Variants in CYP2B6 observed in about 807,000 individuals in gnomAD.
The protein encoded by CYP2B6 is cytochrome P450 2B6.
Under a neutral mutation model 43.4 loss-of-function variants are expected in CYP2B6, and 35 were observed. That is an observed-to-expected ratio of 0.81 (90% CI 0.62 to 1.07). The LOEUF (loss-of-function observed/expected upper bound fraction) is 1.07, where lower values mean the gene tolerates loss of function less well. Among genes scored for constraint, CYP2B6 ranks in the 50% least tolerant of loss-of-function variants. CYP2B6 has a pLI of 0.00. For missense variants in CYP2B6, 624 were observed against 632.8 expected (o/e 0.99, Z 0.15); for synonymous variants, 239 against 239.2 (o/e 1.00, Z 0.01).
chr19:41,015,579 C>A (rs1425394133), intron 8 of CYP2B6, among the ~76,000 whole-genome samples: 4 of 152,164 alleles, frequency 2.6e-5, no homozygotes, highest in Non-Finnish European at 5.9e-5. Flanking sequence ...ATTTTTCTCC[C>A]AATCTGTGGT....
intron 1 of CYP2B6, among the ~76,000 whole-genome samples, chr19:41,003,370 C>T (rs776283334): frequency 3.3e-5 from 5 of 151,944 alleles, no homozygotes; most frequent in African/African-American, 4.8e-5. Flanking sequence ...GATTCGTGTC[C>T]GGGGTGGGAC....
intron 2 of CYP2B6, 59 bp from the exon 3 acceptor site, chr19:41,004,238 G>A: frequency 2.5e-6 from 4 of 1,613,258 alleles, no homozygotes; most frequent in Non-Finnish European, 2.5e-6. Flanking sequence ...GAGGAAGAAG[G>A]ACTCAGAGCC....
chr19:41,016,577 T>C, intron 8 of CYP2B6, 69 bp from the exon 9 acceptor site: 1 of 1,553,744 alleles, frequency 6.4e-7, no homozygotes, highest in Non-Finnish European at 8.9e-7. Flanking sequence ...TGTCTGGGCT[T>C]AGGGACATGG....
At chr19:41,007,181 G>T in intron 4 of CYP2B6, 116 bp downstream of exon 4, 1 of 1,038,224 alleles carries the variant, frequency 9.6e-7, no homozygotes, top group South Asian at 1.4e-5. Context: ...TGGAAGAAAC[G>T]CAGACATGTG....
intron 4 of CYP2B6, among the ~76,000 whole-genome samples, chr19:41,008,172 A>G (rs532038405): frequency 6.6e-6 from 1 of 152,048 alleles, no homozygotes; most frequent in Admixed American, 6.6e-5. Context: ...TATTAAATTT[A>G]AGAATATCAA....
chr19:41,016,219 T>A (rs1318798732), intron 8 of CYP2B6, among the ~76,000 whole-genome samples: 196 of 151,916 alleles, frequency 1.3e-3, no homozygotes, highest in African/African-American at 4.6e-3. Flanking sequence ...AATATGATGA[T>A]ACCCCATGTC....
chr19:41,012,198 C>T (rs1969294956), intron 6 of CYP2B6, 100 bp from the exon 7 acceptor site: 2 of 1,159,572 alleles, frequency 1.7e-6, no homozygotes, highest in African/African-American at 1.5e-5. Flanking sequence ...AATCCACCCA[C>T]CTCAACCTCC....
chr19:41,001,150 A>C (rs897744241), intron 1 of CYP2B6, among the ~76,000 whole-genome samples: 3 of 152,136 alleles, frequency 2.0e-5, no homozygotes, highest in East Asian at 1.9e-4. Context: ...GGAAGCTGAG[A>C]TCCAGCAGGA....
intron 1 of CYP2B6, among the ~76,000 whole-genome samples, chr19:40,992,823 A>T (rs1457064670): frequency 6.6e-6 from 1 of 151,996 alleles, no homozygotes; most frequent in Non-Finnish European, 1.5e-5. Context: ...CCCGGCCAAG[A>T]CTCTTGAGAA....
intron 4 of CYP2B6, among the ~76,000 whole-genome samples, chr19:41,008,324 G>A (rs190318689): frequency 6.7e-6 from 1 of 149,140 alleles, no homozygotes; most frequent in East Asian, 1.9e-4. Flanking sequence ...CAATTCTCAT[G>A]GCTCAGCCTC....
intron 6 of CYP2B6, among the ~76,000 whole-genome samples, chr19:41,010,515 G>A (rs1167145321): frequency 6.6e-6 from 1 of 151,244 alleles, no homozygotes; most frequent in African/African-American, 2.4e-5. Flanking sequence ...CAGGGTTCAC[G>A]CCATTCTCCT....
chr19:41,005,188 G>T (rs1392193521), intron 3 of CYP2B6, among the ~76,000 whole-genome samples: 1 of 152,126 alleles, frequency 6.6e-6, no homozygotes, highest in Non-Finnish European at 1.5e-5. Flanking sequence ...TGTTCTGCCC[G>T]GGTGCAGCTG....
chr19:40,991,517 T>C, intron 1 of CYP2B6, 41 bp downstream of exon 1: 1 of 1,607,990 alleles, frequency 6.2e-7, no homozygotes, highest in Non-Finnish European at 8.5e-7. Context: ...GAGCTGCTTC[T>C]TGCCTTGGTA....
At chr19:40,996,969 G>A (rs1052978409) in intron 1 of CYP2B6, among the ~76,000 whole-genome samples, 3 of 152,100 alleles carry the variant, frequency 2.0e-5, no homozygotes, top group Non-Finnish European at 4.4e-5. Flanking sequence ...CACTGTCCTT[G>A]GAGGGGTGAA....
chr19:40,995,539 G>A (rs984625179), intron 1 of CYP2B6, among the ~76,000 whole-genome samples: 2 of 152,182 alleles, frequency 1.3e-5, no homozygotes, highest in African/African-American at 2.4e-5. Context: ...GTCATCAACC[G>A]ATGTGTCATC....
At chr19:41,002,677 T>C (rs773650106) in intron 1 of CYP2B6, among the ~76,000 whole-genome samples, 2 of 152,062 alleles carry the variant, frequency 1.3e-5, no homozygotes, top group African/African-American at 2.4e-5. Flanking sequence ...GCCTCCCGAG[T>C]AGCTGGGACT....
intron 5 of CYP2B6, 111 bp from the exon 6 acceptor site, chr19:41,009,883 A>G (rs8192717): frequency 7.7e-6 from 10 of 1,298,984 alleles, no homozygotes; most frequent in East Asian, 4.7e-5. Context: ...ACTGGGCCAG[A>G]TAGTGTCAAA....
In CYP2B6 at chr19:41,017,490, G is replaced by C. The variant is rs1969389182; in HGVS notation, c.*663G>C. The C allele has an allele frequency of 6.6e-6, 1 of 151,892 alleles. No individual in the cohort carries two copies. Among genetic ancestry groups the C allele is most frequent in the Admixed American group, 6.6e-5 (1 of 15,254 alleles). 9.4% of individuals were successfully genotyped at this position (151,892 alleles called of 1,614,324 possible). A position where few individuals can be genotyped will look rare whatever the true frequency, so the allele number is the denominator to read the frequency against. ...TTCCAAACATTTTCTTTTTTTCTGAGATGGAGTCTCACTCTGTCACCCAGG... is the reference window on the plus strand; with the variant it reads ...TTCCAAACATTTTCTTTTTTTCTGACATGGAGTCTCACTCTGTCACCCAGG... On this transcript the variant is annotated 3_prime_UTR_variant, in exon 9 of 9. Transcript: ENST00000324071.
rs145946484 is a variant in CYP2B6 at position 41,004,155 on chromosome 19, G to A, written c.326G>A (p.Arg109Gln). ...ATCGCCATGGTCGACCCATTCTTCC[G>A]GGGATATGGTGAGAGCCTCAGAGGC... ...GKIAMVDPFF[R>Q]GYGVIFANGN... Residue 109 changes from arginine to glutamine, a missense_variant, in exon 2 of 9, where the codon CGG becomes CAG. By Grantham distance (43) the Arg-to-Gln change is conservative (BLOSUM62 1). Coordinates refer to ENST00000324071, the MANE Select transcript of CYP2B6 (RefSeq NM_000767.5). 131 of 1,611,678 alleles carry A rather than the reference G, an allele frequency of 8.1e-5. No individual in the cohort carries two copies. The highest frequency in any genetic ancestry group is 3.8e-4 in the East Asian group (17 of 44,808).
Sources: allele counts gnomAD v4.1 joint callset (sites outside exome capture counted in the v4.1 genomes callset), GRCh38; gene constraint gnomAD v4.1.1; transcripts MANE v1.5; gene names NCBI Gene and HGNC (gene_info 2026-07-23, HGNC 2026-07-21).